INPP5A: variants seen among roughly 807,000 people sequenced by gnomAD.
The protein encoded by INPP5A is 43 kDa inositol polyphosphate 5-phophatase.
INPP5A carries 14 observed loss-of-function variants against 65.2 expected under a neutral mutation model. The ratio of observed to expected loss-of-function variants is 0.21; its 90% CI spans 0.14 to 0.34. The LOEUF (loss-of-function observed/expected upper bound fraction) is 0.34, where lower values mean the gene tolerates loss of function less well. INPP5A is among the 10% of genes least tolerant of loss of function. INPP5A has a pLI of 1.00. For synonymous variants in INPP5A, 207 were observed against 208.3 expected (o/e 0.99, Z 0.05); for missense variants, 431 against 545.6 (o/e 0.79, Z 2.09).
intron 2 of INPP5A, among the ~76,000 whole-genome samples, chr10:132,615,731 A>C (rs1370237594): frequency 3.3e-5 from 5 of 152,124 alleles, no homozygotes; most frequent in African/African-American, 1.2e-4. Flanking sequence ...CCTTGCTTGA[A>C]GCTAAGAAGA....
intron 1 of INPP5A, among the ~76,000 whole-genome samples, chr10:132,544,986 A>G (rs1213895786): frequency 6.6e-6 from 1 of 152,224 alleles, no homozygotes; most frequent in Admixed American, 6.5e-5. Context: ...TTTTGAAGTA[A>G]GCACCCAGAT....
chr10:132,650,714 G>T lies in INPP5A; in HGVS notation c.306+209G>T, dbSNP rs921428138. ...CCTGGCAGGGAAGGTGGCCCAGCACGCACAGGGTCTTGGGGCTCCAGACCA... is the reference window on the plus strand; with the variant it reads ...CCTGGCAGGGAAGGTGGCCCAGCACTCACAGGGTCTTGGGGCTCCAGACCA... On this transcript the variant is annotated intron_variant, in intron 4 of 15. Transcript: ENST00000368594. The surrounding 1 kb of genome is among the most constrained non-coding windows in gnomAD (Gnocchi z 5.5). Among the ~76,000 whole-genome samples the T allele has an allele frequency of 6.6e-6, 1 of 152,206 alleles. No homozygotes were observed. The highest frequency in any genetic ancestry group is 1.9e-4 in the East Asian group (1 of 5,194).
chr10:132,763,923 C>T (rs1185593090), intron 11 of INPP5A, among the ~76,000 whole-genome samples: 1 of 152,290 alleles, frequency 6.6e-6, no homozygotes, highest in Non-Finnish European at 1.5e-5. Context: ...AGAATTGCTC[C>T]AGAGCCCATG....
chr10:132,608,150 C>T (rs555131510), intron 2 of INPP5A, among the ~76,000 whole-genome samples, 194 bp downstream of exon 2: 59 of 152,318 alleles, frequency 3.9e-4, no homozygotes, highest in Admixed American at 7.8e-4. Context: ...GCCCGCCTGC[C>T]GGTGAGCCTG....
intron 4 of INPP5A, 137 bp from the exon 5 acceptor site, chr10:132,690,255 C>A: frequency 1.5e-6 from 1 of 660,292 alleles, no homozygotes. Flanking sequence ...TCCTGTGCCT[C>A]AGTAACTGTG....
rs112285580 is a variant in INPP5A, at chr10:132,680,435, T to A, written c.307-9957T>A. The stretch of plus-strand genomic sequence containing the variant: ...AGTTTAAAAGGACTTGCAAAATACC[T>A]TATACCCATTAGGATGGCTGTTGTC... On this transcript the variant is annotated intron_variant, in intron 4 of 15. Coordinates refer to ENST00000368594, the MANE Select transcript of INPP5A (RefSeq NM_005539.5). 9.2e-3 allele frequency among the ~76,000 whole-genome samples: 1,401 copies of A among 152,382 alleles called. 20 individuals are homozygous for A. Among genetic ancestry groups the A allele is most frequent in the African/African-American group, 0.032 (1,340 of 41,594 alleles).
intron 13 of INPP5A, among the ~76,000 whole-genome samples, chr10:132,780,537 G>C (rs1400930277): frequency 2.6e-5 from 4 of 152,260 alleles, no homozygotes; most frequent in Non-Finnish European, 5.9e-5. Context: ...GTCCGGGAGA[G>C]GGGAGCTTGG....
In INPP5A at chr10:132,751,264, GC is replaced by G. The variant is rs201147933; in HGVS notation, c.903+1420del. ...CCTGTGCCCGTCCCTGTCACCTGCT[GC>G]AGGAGCCCATGGTCCTTTCCCCCAC... On this transcript the variant is annotated intron_variant, in intron 11 of 15. Coordinates refer to ENST00000368594, the MANE Select transcript of INPP5A (RefSeq NM_005539.5). Among the ~76,000 whole-genome samples the G allele has an allele frequency of 5.0e-3, 761 of 152,350 alleles. 6 individuals carry two copies. Among genetic ancestry groups the G allele is most frequent in the South Asian group, 0.021 (99 of 4,828 alleles).
chr10:132,688,095 G>A (rs546311452), intron 4 of INPP5A, among the ~76,000 whole-genome samples: 1 of 152,320 alleles, frequency 6.6e-6, no homozygotes, highest in African/African-American at 2.4e-5. Flanking sequence ...AGCCTCCAGG[G>A]AGCTTCCCAT....
At chr10:132,769,903 G>C (rs917946960) in intron 12 of INPP5A, among the ~76,000 whole-genome samples, 1 of 151,438 alleles carries the variant, frequency 6.6e-6, no homozygotes, top group African/African-American at 2.4e-5. Flanking sequence ...CTGCCTTTTT[G>C]CGCATCCTAG....
At chr10:132,640,775 CG>C (rs1457065716) in intron 2 of INPP5A, among the ~76,000 whole-genome samples, 1 of 152,212 alleles carries the variant, frequency 6.6e-6, no homozygotes, top group Non-Finnish European at 1.5e-5. Context: ...TCTTTTCTCT[CG>C]GCCGTTTCCT....
chr10:132,625,391 G>C (rs939102171), intron 2 of INPP5A, among the ~76,000 whole-genome samples: 2 of 152,056 alleles, frequency 1.3e-5, no homozygotes, highest in African/African-American at 4.8e-5. Flanking sequence ...GGCTAGGGAG[G>C]GAGGCAGTCA....
chr10:132,752,359 C>G (rs977959647), intron 11 of INPP5A, among the ~76,000 whole-genome samples: 4 of 150,782 alleles, frequency 2.7e-5, no homozygotes, highest in Non-Finnish European at 2.9e-5. Context: ...CTCCCTCAGC[C>G]ACAGGTAGGG....
At chr10:132,745,894 C>G (rs1846363299) in intron 9 of INPP5A, among the ~76,000 whole-genome samples, 1 of 152,148 alleles carries the variant, frequency 6.6e-6, no homozygotes, top group South Asian at 2.1e-4. Flanking sequence ...GTGGTGGCCC[C>G]CGAGGAGGAG....
chr10:132,566,712 A>G (rs1363974140), intron 1 of INPP5A, among the ~76,000 whole-genome samples: 1 of 152,214 alleles, frequency 6.6e-6, no homozygotes, highest in Non-Finnish European at 1.5e-5. Context: ...AAATTAAAAC[A>G]TGTATTTCCA....
chr10:132,546,421 CT>C lies in INPP5A; in HGVS notation c.75+8251del, dbSNP rs1327772839. Among the ~76,000 whole-genome samples, 1 of 152,072 alleles carries C rather than the reference CT, an allele frequency of 6.6e-6. No individual in the cohort carries two copies. Among genetic ancestry groups the C allele is most frequent in the Non-Finnish European group, 1.5e-5 (1 of 68,014 alleles). The stretch of plus-strand genomic sequence containing the variant: ...AGCCTGTTACTTGAACCCTGAGCCC[CT>C]GGTGGGTCTCGGTGACCTTGAGCCG... On this transcript the variant is annotated intron_variant, in intron 1 of 15. Transcript: ENST00000368594. The surrounding 1 kb of genome is among the most constrained non-coding windows in gnomAD (Gnocchi z 5.7).
chr10:132,685,666 C>G (rs886668071), intron 4 of INPP5A, among the ~76,000 whole-genome samples: 1 of 152,234 alleles, frequency 6.6e-6, no homozygotes, highest in Non-Finnish European at 1.5e-5. Context: ...GCCTCTGCCC[C>G]GGCCTGAGTC....
intron 1 of INPP5A, among the ~76,000 whole-genome samples, chr10:132,563,315 G>A (rs1281750399): frequency 6.6e-6 from 1 of 152,150 alleles, no homozygotes; most frequent in Non-Finnish European, 1.5e-5. Flanking sequence ...TGGGGTCTCC[G>A]GGGCCGAGCT....
Position 132,591,873 on chromosome 10 carries a change from G to A in INPP5A, c.76-16042G>A, listed in dbSNP as rs117818528. 3.9e-5 allele frequency among the ~76,000 whole-genome samples: 6 copies of A among 152,282 alleles called. No homozygotes were observed. In the East Asian group the frequency reaches 5.8e-4, roughly 15 times the overall value. On this transcript the variant is annotated intron_variant, in intron 1 of 15. Coordinates refer to ENST00000368594, the MANE Select transcript of INPP5A (RefSeq NM_005539.5). Reference sequence around the variant, plus strand: ...CAGGTGAAATGGCACTGGGCGTAACGGGCGCCCTTGCTGTGTTTCCTTGTC... The same window carrying A: ...CAGGTGAAATGGCACTGGGCGTAACAGGCGCCCTTGCTGTGTTTCCTTGTC...
Sources: gnomAD v4.1 joint callset for allele counts (sites outside exome capture counted in the v4.1 genomes callset) on GRCh38, gnomAD v4.1.1 for gene constraint, Gnocchi (gnomAD v3.1) non-coding constraint, MANE v1.5 for transcripts, NCBI Gene and HGNC (gene_info 2026-07-23, HGNC 2026-07-21) for gene names.